The following BCORL1 variants were observed in gnomAD, a reference collection of about 807,000 sequenced individuals.
The protein encoded by BCORL1 is BCL6 corepressor like 1, also known as BCL-6 corepressor-like protein 1.
BCORL1 carries 7 observed loss-of-function variants against 87.6 expected under a neutral mutation model. The ratio of observed to expected loss-of-function variants is 0.08; its 90% CI spans 0.05 to 0.15. The LOEUF (loss-of-function observed/expected upper bound fraction) is 0.15. Among genes scored for constraint, BCORL1 ranks in the 10% least tolerant of loss-of-function variants. The pLI, the probability that BCORL1 is intolerant of heterozygous loss-of-function variation, is 1.00. For synonymous variants in BCORL1, 591 were observed against 634.4 expected, an observed-to-expected ratio of 0.93 and a Z score of 1.03; for missense variants, 1,215 against 1,499.7, an observed-to-expected ratio of 0.81 and a Z score of 3.13.
intron 2 of BCORL1, among the ~76,000 whole-genome samples, chrX:130,009,450 T>TC (rs1383073472): frequency 2.1e-5 from 2 of 96,131 alleles, no homozygotes; most frequent in Non-Finnish European, 4.1e-5. Flanking sequence ...AGAGAGAAAC[T>TC]CTGTCTAAAA....
At chrX:129,981,959 C>T (rs1926141478), upstream of BCORL1, among the ~76,000 whole-genome samples, 2 of 104,713 alleles carry the variant, frequency 1.9e-5, no homozygotes, top group African/African-American at 3.5e-5. Flanking sequence ...GGAGTCACGC[C>T]CTGCCTGCAA....
rs754428107 is a variant in BCORL1 at position 130,025,396 on chromosome X, G to C, written c.4078+17G>C. ...GGAGAGCAGGTAAGGCTGGCCAGGG[G>C]CTCTGCTGTCGCCGCGGCCCGTTTG... On this transcript the variant is annotated intron_variant, in intron 7 of 13. Transcript: ENST00000540052. The C allele has an allele frequency of 1.8e-6, 2 of 1,132,440 alleles. No homozygotes were observed. Among genetic ancestry groups the C allele is most frequent in the South Asian group, 2.2e-5 (1 of 45,426 alleles). 93.3% of individuals were successfully genotyped at this position (1,132,440 alleles called of 1,213,427 possible).
intron 11 of BCORL1, among the ~76,000 whole-genome samples, chrX:130,045,500 G>C (rs1931689723): frequency 9.0e-6 from 1 of 111,498 alleles, no homozygotes; most frequent in African/African-American, 3.3e-5. Flanking sequence ...AGAGGAGATG[G>C]GGAGGGGTAT....
At chrX:129,991,150 C>T (rs1246098139) in intron 1 of BCORL1, among the ~76,000 whole-genome samples, 1 of 110,286 alleles carries the variant, frequency 9.1e-6, no homozygotes, top group East Asian at 2.8e-4. Context: ...GAGTTTCGTT[C>T]TTGTTGCCCA....
At chrX:130,005,042 G>T in intron 1 of BCORL1, 146 bp from the exon 2 acceptor site, 1 of 368,958 alleles carries the variant, frequency 2.7e-6, no homozygotes, top group Non-Finnish European at 4.8e-6. Context: ...CCCTCTTCCC[G>T]GTTTAGACCT....
chrX:130,011,002 TAAAAAAAAAAAAA>T (rs1186630415), intron 2 of BCORL1, among the ~76,000 whole-genome samples: 17 of 19,094 alleles, frequency 8.9e-4, no homozygotes, highest in African/African-American at 1.7e-3. Context: ...AGATTCAATC[TAAAAAAAAAAAAA>T]AAAAAAAAAA....
intron 1 of BCORL1, among the ~76,000 whole-genome samples, chrX:130,004,248 T>G (rs745869374): frequency 4.6e-4 from 46 of 100,607 alleles, no homozygotes; most frequent in East Asian, 6.2e-4. Context: ...GTGGTTTTTT[T>G]TTTTTTTTTT....
chrX:130,010,056 G>A (rs929815263), intron 2 of BCORL1, among the ~76,000 whole-genome samples: 3 of 112,068 alleles, frequency 2.7e-5, no homozygotes, highest in African/African-American at 9.7e-5. Context: ...GGTATGGCTG[G>A]AGTGGCCAGG....
intron 1 of BCORL1, among the ~76,000 whole-genome samples, chrX:130,000,003 GA>G (rs1927918631): frequency 1.8e-5 from 2 of 109,663 alleles, no homozygotes; most frequent in African/African-American, 6.7e-5. Flanking sequence ...AGAGAGAAAA[GA>G]TGAAATGAGT....
chrX:130,041,268 G>A, intron 11 of BCORL1, among the ~76,000 whole-genome samples: 1 of 80,434 alleles, frequency 1.2e-5, no homozygotes, highest in African/African-American at 5.6e-5. Flanking sequence ...AACAGAGTGA[G>A]ACAGTGTCTC....
intron 11 of BCORL1, among the ~76,000 whole-genome samples, chrX:130,044,512 A>ATTTTT (rs35777435): frequency 9.9e-6 from 1 of 101,485 alleles, no homozygotes; most frequent in Non-Finnish European, 2.0e-5. Flanking sequence ...TTTTTCTTTA[A>ATTTTT]TTTTTTTTTT....
At chrX:130,029,347 A>G (rs1930437065) in intron 8 of BCORL1, among the ~76,000 whole-genome samples, 1 of 111,340 alleles carries the variant, frequency 9.0e-6, no homozygotes, top group African/African-American at 3.3e-5. Flanking sequence ...CCAGTTCTTT[A>G]GCTTCTCATG....
In BCORL1 at chrX:130,014,235, G is replaced by A. The variant is rs1229780287; in HGVS notation, c.1463G>A (p.Arg488Lys). 8.3e-7 allele frequency: 1 copy of A among 1,208,601 alleles called. No individual in the cohort carries two copies. Among genetic ancestry groups the A allele is most frequent in the East Asian group, 3.0e-5 (1 of 33,693 alleles). Residue 488 changes from arginine (R) to lysine (K), a missense_variant, in exon 4 of 14, where the codon AGG becomes AAG. Arg to Lys is a conservative substitution (Grantham distance 26, BLOSUM62 2). Transcript: ENST00000540052. ...LPVLPSYLQDRCLPGVLASPE... is the reference protein window; with the variant it reads ...LPVLPSYLQDKCLPGVLASPE... ...GTCCTGCCGTCCTACCTGCAGGACAGGTGTCTCCCAGGCGTGCTAGCCTCC... is the reference window on the plus strand; with the variant it reads ...GTCCTGCCGTCCTACCTGCAGGACAAGTGTCTCCCAGGCGTGCTAGCCTCC...
intron 13 of BCORL1, among the ~76,000 whole-genome samples, chrX:130,055,361 C>T (rs937258800): frequency 3.5e-5 from 4 of 112,726 alleles, no homozygotes; most frequent in African/African-American, 9.7e-5. Flanking sequence ...CCTTTCTCCA[C>T]GGCTCCCCCT....
intron 11 of BCORL1, among the ~76,000 whole-genome samples, chrX:130,043,774 A>G (rs867274295): frequency 3.5e-4 from 7 of 20,154 alleles, no homozygotes; most frequent in Non-Finnish European, 5.1e-4. Context: ...ATATATATAT[A>G]TATATATATA....
Sources: gnomAD v4.1 joint callset for allele counts (sites outside exome capture counted in the v4.1 genomes callset) on GRCh38, gnomAD v4.1.1 for gene constraint, MANE v1.5 for transcripts, NCBI Gene and HGNC (gene_info 2026-07-23, HGNC 2026-07-21) for gene names.